The following PPP2R2C variants were observed in gnomAD, a reference collection of about 807,000 sequenced individuals.
PPP2R2C encodes the protein protein phosphatase 2 regulatory subunit Bgamma.
Under a neutral mutation model 45.3 loss-of-function variants are expected in PPP2R2C, and 10 were observed. The observed-to-expected ratio is 0.22, with a 90% CI of 0.14 to 0.37. The LOEUF is 0.37. Ranked by LOEUF, PPP2R2C falls within the 10% of genes least tolerant of loss-of-function variation. The pLI is 1.00. For missense variants in PPP2R2C, 308 were observed against 619.7 expected, an observed-to-expected ratio of 0.50 and a Z score of 5.34; for synonymous variants, 257 against 245.4, an observed-to-expected ratio of 1.05 and a Z score of -0.44.
chr4:6,486,350 G>C lies in PPP2R2C; in HGVS notation c.49+48921C>G, dbSNP rs114828540. ...TGTGTACTTGAACATCTATTCTGCT[G>C]TTGTTGGGTAGCATGTTCTACAGAT... On this transcript the variant is annotated intron_variant, in intron 2 of 9. Transcript: ENST00000506140. Among the ~76,000 whole-genome samples, 1,155 of 152,102 alleles carry C rather than the reference G, an allele frequency of 7.6e-3. 9 individuals carry two copies. The highest frequency in any genetic ancestry group is 0.027 in the African/African-American group (1,106 of 41,548).
At chr4:6,524,641 C>T (rs895406192) in intron 2 of PPP2R2C, among the ~76,000 whole-genome samples, 1 of 152,172 alleles carries the variant, frequency 6.6e-6, no homozygotes, top group African/African-American at 2.4e-5. Context: ...TTGACAGATG[C>T]TCAGCTGCTG....
chr4:6,465,905 G>C (rs1277943359), intron 1 of PPP2R2C, among the ~76,000 whole-genome samples: 1 of 152,118 alleles, frequency 6.6e-6, no homozygotes, highest in Non-Finnish European at 1.5e-5. Flanking sequence ...AATAAACAAG[G>C]AAGGACTAGG....
chr4:6,558,639 T>C (rs1725488348), intron 1 of PPP2R2C, among the ~76,000 whole-genome samples: 1 of 152,176 alleles, frequency 6.6e-6, no homozygotes, highest in South Asian at 2.1e-4. Context: ...AGCCAGGAAC[T>C]ACACAATGGA....
chr4:6,407,693 C>T (rs1440174679), intron 1 of PPP2R2C, among the ~76,000 whole-genome samples: 1 of 152,186 alleles, frequency 6.6e-6, no homozygotes, highest in African/African-American at 2.4e-5. Context: ...AGCCACTGAG[C>T]CCGGCCAAGA....
intron 5 of PPP2R2C, chr4:6,350,863 C>A: frequency 1.0e-6 from 1 of 985,390 alleles, no homozygotes; most frequent in Non-Finnish European, 1.2e-6. Context: ...ACACTTGCAG[C>A]GTGAGTGGGA....
At chr4:6,382,643 T>TGA in intron 1 of PPP2R2C, 1 of 146,654 alleles carries the variant, frequency 6.8e-6, no homozygotes, top group African/African-American at 4.9e-5. Flanking sequence ...TCTCTCTCTC[T>TGA]CTCTCTCTCT....
intron 1 of PPP2R2C, chr4:6,421,007 T>C (rs4689441): frequency 0.23 from 228,229 of 985,016 alleles, 29,034 homozygotes; most frequent in Admixed American, 0.41. Flanking sequence ...TCGATGTGCC[T>C]GAGGAGGGCT....
At chr4:6,372,380 C>T in intron 5 of PPP2R2C, 143 bp downstream of exon 5, 1 of 846,400 alleles carries the variant, frequency 1.2e-6, no homozygotes, top group African/African-American at 1.7e-5. Context: ...CACACGCATA[C>T]TAGGAGCCAG....
intron 6 of PPP2R2C, among the ~76,000 whole-genome samples, chr4:6,346,885 C>T (rs1001997721): frequency 1.3e-5 from 2 of 152,216 alleles, no homozygotes; most frequent in African/African-American, 2.4e-5. Flanking sequence ...TGTTTATTTC[C>T]AGACACTGTG....
In PPP2R2C at chr4:6,363,571, T is replaced by C. The variant is rs1356288385; in HGVS notation, c.625+8952A>G. On this transcript the variant is annotated intron_variant, in intron 5 of 8. Transcript: ENST00000382599. ...TTCAGCCTGGGCGACACAGTGAGTC[T>C]CCATCTCAAAAAAAAAAAGAAAAGA... Among the ~76,000 whole-genome samples, 3 of 150,220 alleles carry C rather than the reference T, an allele frequency of 2.0e-5. No individual in the cohort carries two copies. The East Asian group carries it at 5.9e-4, about 29-fold the overall frequency.
intron 5 of PPP2R2C, among the ~76,000 whole-genome samples, chr4:6,365,850 G>C (rs762602675): frequency 6.6e-6 from 1 of 152,128 alleles, no homozygotes; most frequent in Non-Finnish European, 1.5e-5. Context: ...AAAATCAATC[G>C]AACCGTCTTT....
chr4:6,395,060 G>A (rs746049481), intron 1 of PPP2R2C, among the ~76,000 whole-genome samples: 43 of 152,160 alleles, frequency 2.8e-4, no homozygotes, highest in South Asian at 6.2e-4. Flanking sequence ...GCCTGCAGCC[G>A]CCTCCTCTCT....
chr4:6,390,230 G>GT (rs552687675), intron 1 of PPP2R2C, among the ~76,000 whole-genome samples: 5 of 152,148 alleles, frequency 3.3e-5, no homozygotes, highest in South Asian at 2.1e-4. Context: ...AGGGAGGCTG[G>GT]GGGTGCACAC....
chr4:6,391,118 G>A (rs555430181), intron 1 of PPP2R2C, among the ~76,000 whole-genome samples: 1 of 152,226 alleles, frequency 6.6e-6, no homozygotes, highest in East Asian at 1.9e-4. Context: ...TGGGGTGGGT[G>A]CCAGCTGCCA....
At chr4:6,421,437 C>T (rs1351478145) in intron 1 of PPP2R2C, among the ~76,000 whole-genome samples, 3 of 152,088 alleles carry the variant, frequency 2.0e-5, no homozygotes, top group Admixed American at 1.3e-4. Context: ...TTTGCAATTC[C>T]GAGCACCCCA....
At chr4:6,481,414 A>C (rs1350605639) in intron 2 of PPP2R2C, among the ~76,000 whole-genome samples, 1 of 152,216 alleles carries the variant, frequency 6.6e-6, no homozygotes, top group Non-Finnish European at 1.5e-5. Flanking sequence ...TGAATAGTCC[A>C]TCCTTTTCCC....
Position 6,471,867 on chromosome 4 carries a change from A to T in PPP2R2C, c.70+293T>A, listed in dbSNP as rs1019899493. Among the ~76,000 whole-genome samples, 10 of 151,918 alleles carry T rather than the reference A, an allele frequency of 6.6e-5. No individual in the cohort carries two copies. The highest frequency in any genetic ancestry group is 2.6e-4 in the Admixed American group (4 of 15,266). On this transcript the variant is annotated intron_variant, in intron 1 of 8. Transcript: ENST00000382599. This position sits in a 1 kb window ranked among gnomAD's most constrained non-coding sequence, Gnocchi z 5.6. ...AAAAAATTATGGTCAGGGCCGAATCAGGATGCCACCTGGCTTGGGAGAGGA... is the reference window on the plus strand; with the variant it reads ...AAAAAATTATGGTCAGGGCCGAATCTGGATGCCACCTGGCTTGGGAGAGGA...
At chr4:6,435,634 T>A (rs750588614) in intron 1 of PPP2R2C, among the ~76,000 whole-genome samples, 2 of 152,240 alleles carry the variant, frequency 1.3e-5, no homozygotes, top group Non-Finnish European at 2.9e-5. Flanking sequence ...TATACAAGAT[T>A]CGTGCACCAG....
intron 8 of PPP2R2C, among the ~76,000 whole-genome samples, chr4:6,325,977 T>A (rs982055341): frequency 1.3e-5 from 2 of 152,132 alleles, no homozygotes; most frequent in African/African-American, 4.8e-5. Context: ...GAGGCGGAGG[T>A]TGCAGCGAGC....
Sources: allele counts gnomAD v4.1 joint callset (sites outside exome capture counted in the v4.1 genomes callset), GRCh38; gene constraint gnomAD v4.1.1; non-coding constraint Gnocchi (gnomAD v3.1); transcripts MANE v1.5; gene names NCBI Gene and HGNC (gene_info 2026-07-23, HGNC 2026-07-21).